Variants in STXBP5 observed in about 807,000 individuals in gnomAD.
STXBP5 encodes syntaxin-binding protein 5.
A neutral mutation model predicts 152.4 loss-of-function variants in STXBP5; 50 were observed. The observed-to-expected ratio is 0.33, with a 90% CI of 0.26 to 0.42. The LOEUF is 0.42. Among genes scored for constraint, STXBP5 ranks in the 10% least tolerant of loss-of-function variants. STXBP5 has a pLI of 1.00. For missense variants in STXBP5, 1,167 were observed against 1,388.6 expected (o/e 0.84, Z 2.54); for synonymous variants, 492 against 494.7 (o/e 0.99, Z 0.07).
intron 18 of STXBP5, among the ~76,000 whole-genome samples, chr6:147,333,217 T>G (rs1783665301): frequency 6.6e-6 from 1 of 152,136 alleles, no homozygotes; most frequent in Non-Finnish European, 1.5e-5. Flanking sequence ...GATGAAGATT[T>G]TTTTTAAAAC....
At chr6:147,279,518 A>G (rs1334328513) in intron 8 of STXBP5, among the ~76,000 whole-genome samples, 2 of 152,182 alleles carry the variant, frequency 1.3e-5, no homozygotes, top group Non-Finnish European at 2.9e-5. Context: ...AGTTTTATCT[A>G]TCTGTGGCAT....
intron 2 of STXBP5, among the ~76,000 whole-genome samples, chr6:147,220,524 A>G (rs1777407063): frequency 6.6e-6 from 1 of 152,066 alleles, no homozygotes; most frequent in Non-Finnish European, 1.5e-5. Flanking sequence ...TTGCAGTTTT[A>G]TGAGTTTTTG....
intron 19 of STXBP5, among the ~76,000 whole-genome samples, chr6:147,336,460 C>A (rs1288795531): frequency 2.0e-5 from 3 of 151,356 alleles, no homozygotes; most frequent in South Asian, 2.1e-4. Context: ...TTTATTATTA[C>A]CCCTTTGGCC....
In STXBP5 at chr6:147,284,625, A is replaced by T. The variant is rs76757319; in HGVS notation, c.838+6421A>T. Among the ~76,000 whole-genome samples the T allele has an allele frequency of 8.6e-3, 1,315 of 152,316 alleles. 28 individuals carry two copies. The highest frequency in any genetic ancestry group is 0.03 in the African/African-American group (1,263 of 41,578). Reference sequence around the variant, plus strand: ...GGGTATATGAACTTGGTCTTAAAGGATGATACTGGTGGTATAAGGTAGCAA... The same window carrying T: ...GGGTATATGAACTTGGTCTTAAAGGTTGATACTGGTGGTATAAGGTAGCAA... On this transcript the variant is annotated intron_variant, in intron 8 of 27. Transcript: ENST00000321680.
intron 13 of STXBP5, 98 bp downstream of exon 13, chr6:147,314,429 CCTTT>C: frequency 7.6e-7 from 1 of 1,313,064 alleles, no homozygotes; most frequent in South Asian, 1.2e-5. Context: ...GTAGAGCTTT[CCTTT>C]ATGTCGTAAT....
intron 9 of STXBP5, among the ~76,000 whole-genome samples, chr6:147,302,954 G>T (rs1007105418): frequency 6.6e-6 from 1 of 152,144 alleles, no homozygotes; most frequent in South Asian, 2.1e-4. Context: ...TAATTCAGTA[G>T]TGAAAATCTT....
intron 25 of STXBP5, among the ~76,000 whole-genome samples, chr6:147,372,471 T>A (rs1056691312): frequency 7.8e-6 from 1 of 128,174 alleles, no homozygotes; most frequent in South Asian, 2.8e-4. Flanking sequence ...GACAGATTCT[T>A]TTGCCCAGGC....
chr6:147,302,452 A>C lies in STXBP5; in HGVS notation c.918-7632A>C, dbSNP rs1398797285. ...GGAAGGCCAGGAGATATATTGTAGGAAGGATTAATTTGTGAGAGTACCTTA... is the reference window on the plus strand; with the variant it reads ...GGAAGGCCAGGAGATATATTGTAGGCAGGATTAATTTGTGAGAGTACCTTA... On this transcript the variant is annotated intron_variant, in intron 9 of 27. Coordinates refer to ENST00000321680, the MANE Select transcript of STXBP5 (RefSeq NM_001127715.4). 2.0e-5 allele frequency among the ~76,000 whole-genome samples: 3 copies of C among 152,158 alleles called. No individual in the cohort carries two copies. In the East Asian group the frequency reaches 5.8e-4, roughly 29 times the overall value.
chr6:147,372,528 G>A (rs1438728358), intron 25 of STXBP5, among the ~76,000 whole-genome samples: 6 of 137,440 alleles, frequency 4.4e-5, no homozygotes, highest in East Asian at 2.3e-4. Flanking sequence ...TCCGCCTCCC[G>A]GGTTCAAGCT....
Position 147,337,235 on chromosome 6 carries a change from A to T in STXBP5, c.2147-1944A>T, listed in dbSNP as rs550492324. On this transcript the variant is annotated intron_variant, in intron 19 of 27. Transcript: ENST00000321680. ...CACACAAGAAGTCATGTTAAAATAA[A>T]TTTTTAAACTGTTAGGTTATTTCAA... is the stretch of plus-strand genomic sequence containing the variant. Among the ~76,000 whole-genome samples, 295 of 146,526 alleles carry T rather than the reference A, an allele frequency of 2.0e-3. 1 individual carries two copies. The highest frequency in any genetic ancestry group is 1.8e-3 in the Non-Finnish European group (120 of 67,336).
At chr6:147,214,621 T>G (rs993445848) in intron 2 of STXBP5, among the ~76,000 whole-genome samples, 2 of 152,242 alleles carry the variant, frequency 1.3e-5, no homozygotes, top group Non-Finnish European at 2.9e-5. Flanking sequence ...TTAGCCATCT[T>G]TTTCTTAGTT....
chr6:147,319,832 T>G (rs1782827587), intron 16 of STXBP5, among the ~76,000 whole-genome samples: 1 of 133,930 alleles, frequency 7.5e-6, no homozygotes, highest in African/African-American at 3.1e-5. Flanking sequence ...TGGATTCTTT[T>G]TTTTTTTTTT....
Position 147,308,006 on chromosome 6 carries a change from A to G in STXBP5, c.918-2078A>G, listed in dbSNP as rs186473819. Among the ~76,000 whole-genome samples the G allele has an allele frequency of 7.2e-5, 11 of 152,270 alleles. No homozygotes were observed. In the East Asian group the frequency reaches 2.1e-3, roughly 29 times the overall value. On this transcript the variant is annotated intron_variant, in intron 9 of 27. Coordinates refer to ENST00000321680, the MANE Select transcript of STXBP5 (RefSeq NM_001127715.4). ...TCTCTTCATTGTTCTGGCATTAATA[A>G]CACAGTTTAAAAAAACAGGTTATAT...
In STXBP5 at chr6:147,372,425, T is replaced by C. The variant is rs1281786942; in HGVS notation, c.3082-1306T>C. On this transcript the variant is annotated intron_variant, in intron 25 of 27. Coordinates refer to ENST00000321680, the MANE Select transcript of STXBP5 (RefSeq NM_001127715.4). Reference sequence around the variant, plus strand: ...CCTTTTCCTTTTTTTTTTTTTTTTTTTTTTTTTTTTTTTTTTTTTTTTTTT... The same window carrying C: ...CCTTTTCCTTTTTTTTTTTTTTTTTCTTTTTTTTTTTTTTTTTTTTTTTTT... Among the ~76,000 whole-genome samples, 17 of 36,392 alleles carry C rather than the reference T, an allele frequency of 4.7e-4. 3 individuals carry two copies. Among genetic ancestry groups the C allele is most frequent in the African/African-American group, 2.1e-3 (12 of 5,798 alleles). The allele number at this position is 36,392 out of a possible 152,430, so 23.9% of individuals were successfully genotyped here. A position where few individuals can be genotyped will look rare whatever the true frequency, so the allele number is the denominator to read the frequency against.
chr6:147,359,753 T>A (rs1784981228), intron 23 of STXBP5, among the ~76,000 whole-genome samples: 1 of 151,830 alleles, frequency 6.6e-6, no homozygotes, highest in African/African-American at 2.4e-5. Context: ...GAATGATGAT[T>A]TCCAATTTCA....
At chr6:147,289,679 G>T (rs1476664155) in intron 8 of STXBP5, among the ~76,000 whole-genome samples, 1 of 151,412 alleles carries the variant, frequency 6.6e-6, no homozygotes, top group Non-Finnish European at 1.5e-5. Flanking sequence ...ACCAGTTAGG[G>T]ATCCAAACAC....
At chr6:147,288,656 CTG>C (rs1404988240) in intron 8 of STXBP5, among the ~76,000 whole-genome samples, 1 of 152,116 alleles carries the variant, frequency 6.6e-6, no homozygotes, top group African/African-American at 2.4e-5. Context: ...AGTAGTATAT[CTG>C]TATGGGTCTG....
At chr6:147,224,029 GA>G (rs1235881537) in intron 2 of STXBP5, among the ~76,000 whole-genome samples, 1 of 152,204 alleles carries the variant, frequency 6.6e-6, no homozygotes, top group African/African-American at 2.4e-5. Flanking sequence ...TCCAGGTCTT[GA>G]GTTATGGTGT....
intron 7 of STXBP5, among the ~76,000 whole-genome samples, chr6:147,274,986 A>C (rs529786176): frequency 6.6e-6 from 1 of 152,154 alleles, no homozygotes; most frequent in Non-Finnish European, 1.5e-5. Flanking sequence ...GTATGTAGAG[A>C]ATTTATTCAG....
Sources: allele counts gnomAD v4.1 joint callset (sites outside exome capture counted in the v4.1 genomes callset), GRCh38; gene constraint gnomAD v4.1.1; transcripts MANE v1.5; gene names NCBI Gene and HGNC (gene_info 2026-07-23, HGNC 2026-07-21).